The following ZNF224 variants were observed in gnomAD, a reference collection of about 807,000 sequenced individuals.
The protein encoded by ZNF224 is zinc finger protein 224.
In ZNF224, 8 loss-of-function variants were observed where a neutral mutation model predicts 10.5. The observed-to-expected ratio is 0.76, with a 90% confidence interval of 0.45 to 1.37. The LOEUF (loss-of-function observed/expected upper bound fraction) is 1.37. ZNF224 is among the 40% of genes most tolerant of loss of function. The pLI, the probability that ZNF224 is intolerant of heterozygous loss-of-function variation, is 0.00. For missense variants in ZNF224, 754 were observed against 854.0 expected, an observed-to-expected ratio of 0.88 and a Z score of 1.46; for synonymous variants, 282 against 287.8, an observed-to-expected ratio of 0.98 and a Z score of 0.20.
At chr19:44,105,251 G>A (rs1967631778) in intron 5 of ZNF224, 1 of 152,158 alleles carries the variant, frequency 6.6e-6, no homozygotes, top group Non-Finnish European at 1.5e-5. Context: ...CAGATCCTGA[G>A]GAAAACATCT....
intron 3 of ZNF224, 24 bp downstream of exon 3, chr19:44,097,912 C>T (rs769653606): frequency 1.2e-6 from 2 of 1,613,612 alleles, no homozygotes; most frequent in East Asian, 2.2e-5. Context: ...GCTTCTATTA[C>T]TCTTAAAATT....
In ZNF224 at chr19:44,103,291, G is replaced by T. The variant is rs373316257; in HGVS notation, c.235+2066G>T. On this transcript the variant is annotated intron_variant, in intron 5 of 5. Transcript: ENST00000693561. Reference sequence around the variant, plus strand: ...ATCCATATTCCAGCGTGTACCATTGGGTACATATTTACCTATTACTGTTTT... The same window carrying T: ...ATCCATATTCCAGCGTGTACCATTGTGTACATATTTACCTATTACTGTTTT... 3.9e-5 allele frequency among the ~76,000 whole-genome samples: 6 copies of T among 152,110 alleles called. No individual in the cohort carries two copies. In the East Asian group the frequency reaches 1.2e-3, roughly 29 times the overall value.
chr19:44,100,565 A>G (rs1967526828), intron 3 of ZNF224, among the ~76,000 whole-genome samples: 1 of 152,224 alleles, frequency 6.6e-6, no homozygotes, highest in African/African-American at 2.4e-5. Flanking sequence ...AGAAGACTCA[A>G]TGATTGCACG....
intron 1 of ZNF224, chr19:44,095,133 C>G (rs994056501): frequency 4.2e-6 from 1 of 238,218 alleles, no homozygotes; most frequent in South Asian, 7.3e-5. Flanking sequence ...GGAGGGACTT[C>G]TTGGCTTCTG....
chr19:44,099,230 G>A (rs1019880885), intron 3 of ZNF224, among the ~76,000 whole-genome samples: 8 of 152,096 alleles, frequency 5.3e-5, no homozygotes, highest in African/African-American at 1.4e-4. Context: ...TCTTCCTGTC[G>A]TAGTACCTCT....
rs747274204 is a variant in ZNF224, at chr19:44,106,473, G to A, written c.313G>A (p.Glu105Lys). 4 of 1,614,024 alleles carry A rather than the reference G, an allele frequency of 2.5e-6. No individual in the cohort carries two copies. In the South Asian group the frequency reaches 4.4e-5, roughly 18 times the overall value. ...HQEWSFQQIW[E>K]KIASDLTRSQ... ...AGAGTGGTCCTTCCAGCAAATCTGG[G>A]AAAAAATTGCAAGTGATTTAACCAG... Residue 105 changes from glutamate to lysine, a missense_variant, in exon 6 of 6, where the codon GAA (glutamate) becomes AAA (lysine). Transcript: ENST00000693561.
chr19:44,105,928 T>C (rs1967646622), intron 5 of ZNF224: 1 of 156,932 alleles, frequency 6.4e-6, no homozygotes, highest in Non-Finnish European at 1.4e-5. Flanking sequence ...GATGGGCACT[T>C]AGGTTGGTTC....
In ZNF224 at chr19:44,107,404, G is replaced by C; in HGVS notation, c.1244G>C (p.Cys415Ser). The change falls in exon 6 of 6, where the codon TGC (cysteine) becomes TCC (serine). Residue 415 changes from cysteine to serine, a missense_variant. Coordinates refer to ENST00000693561, the MANE Select transcript of ZNF224 (RefSeq NM_001321645.3). ...AAAGGATTTTACACAAATTCACAAT[G>C]CTATTCCCACCAGAGATCCCATAGT... is the stretch of plus-strand genomic sequence containing the variant. ...CGKGFYTNSQ[C>S]YSHQRSHSGE... is the part of the protein sequence containing the mutation. The C allele has an allele frequency of 6.2e-7, 1 of 1,608,254 alleles. No homozygotes were observed. The highest frequency in any genetic ancestry group is 8.5e-7 in the Non-Finnish European group (1 of 1,177,808).
chr19:44,106,323 G>T (rs144679841), intron 5 of ZNF224, 73 bp from the exon 6 acceptor site: 25,891 of 1,497,522 alleles, frequency 0.017, 301 homozygotes, highest in South Asian at 0.021. Flanking sequence ...TCCTGCCATG[G>T]CCTAAGTGAA....
At position 44,107,019 on chromosome 19, in the gene ZNF224, C is replaced by G. The variant is rs199793196; in HGVS notation, c.859C>G (p.Pro287Ala). The G allele has an allele frequency of 6.2e-6, 10 of 1,607,184 alleles. No individual in the cohort carries two copies. The highest frequency in any genetic ancestry group is 4.0e-5 in the African/African-American group (3 of 74,764). Residue 287 changes from proline to alanine, a missense_variant, in exon 6 of 6, where the codon CCA becomes GCA. By Grantham distance (27) the Pro-to-Ala change is conservative. Transcript: ENST00000693561. ...EHQRIHTGEK[P>A]FKCDICGKSF... The stretch of plus-strand genomic sequence containing the variant: ...TCAGAGAATCCATACGGGGGAGAAG[C>G]CATTCAAATGTGATATATGTGGTAA...
At position 44,106,411 on chromosome 19, in the gene ZNF224, C is replaced by T. The variant is rs1318648995; in HGVS notation, c.251C>T (p.Thr84Ile). 10 of 1,614,014 alleles carry T rather than the reference C, an allele frequency of 6.2e-6. No homozygotes were observed. Among genetic ancestry groups the T allele is most frequent in the Non-Finnish European group, 8.5e-6 (10 of 1,180,024 alleles). The stretch of plus-strand genomic sequence containing the variant: ...ATTCTGATAGGAGACAAGATCCAAA[C>T]TGAGATGGAGACTGTTTCAGAAGCA... ...REGNSGDKIQ[T>I]EMETVSEAGT... Residue 84 changes from threonine (T) to isoleucine (I), a missense_variant, in exon 6 of 6, where the codon ACT becomes ATT. Physicochemically the swap from Thr to Ile is moderately conservative, Grantham distance 89 (BLOSUM62 -1). Coordinates refer to ENST00000693561, the MANE Select transcript of ZNF224 (RefSeq NM_001321645.3).
At chr19:44,104,968 T>G (rs1967624661) in intron 5 of ZNF224, among the ~76,000 whole-genome samples, 1 of 152,232 alleles carries the variant, frequency 6.6e-6, no homozygotes, top group African/African-American at 2.4e-5. Context: ...AGCCGAGCCC[T>G]GGTTTTACAA....
chr19:44,098,627 AG>A (rs1303391211), intron 3 of ZNF224, among the ~76,000 whole-genome samples: 1 of 151,808 alleles, frequency 6.6e-6, no homozygotes, highest in Non-Finnish European at 1.5e-5. Flanking sequence ...CTTGTTGCCC[AG>A]GCTGGAGTGC....
chr19:44,098,577 A>G (rs1967487532), intron 3 of ZNF224, among the ~76,000 whole-genome samples: 1 of 151,806 alleles, frequency 6.6e-6, no homozygotes, highest in South Asian at 2.1e-4. Flanking sequence ...CCAAAGTAAT[A>G]TGTAAGCTAA....
Position 44,097,903 on chromosome 19 carries a change from C to T in ZNF224, c.15+15C>T. 1.2e-6 allele frequency: 2 copies of T among 1,613,734 alleles called. No individual in the cohort carries two copies. Among genetic ancestry groups the T allele is most frequent in the Non-Finnish European group, 8.5e-7 (1 of 1,179,844 alleles). On this transcript the variant is annotated intron_variant, in intron 3 of 5. Coordinates refer to ENST00000693561, the MANE Select transcript of ZNF224 (RefSeq NM_001321645.3). ...CCACGTTCAAGGTGGGTAGGACTTG[C>T]TTCTATTACTCTTAAAATTCCCTCT...
rs1377357445 is a variant in ZNF224, at chr19:44,101,306, G to A, written c.235+81G>A. 5.7e-6 allele frequency: 8 copies of A among 1,402,008 alleles called. No individual in the cohort carries two copies. The East Asian group carries it at 1.7e-4, about 29-fold the overall frequency. 86.8% of individuals were successfully genotyped at this position (1,402,008 alleles called of 1,614,324 possible). On this transcript the variant is annotated intron_variant, in intron 5 of 5. Transcript: ENST00000693561. The stretch of plus-strand genomic sequence containing the variant: ...GTCCATGCTCAAATCCATTGCCCTG[G>A]CCTAAATGGCCAAACCTCTTTCTTG...
intron 3 of ZNF224, 132 bp downstream of exon 3, chr19:44,098,020 CCTTT>C (rs1967475607): frequency 1.1e-6 from 1 of 918,274 alleles, no homozygotes; most frequent in Admixed American, 3.2e-5. Context: ...CCATGTACTT[CCTTT>C]GTTACTTTTG....
Position 44,108,597 on chromosome 19 carries a change from C to T in ZNF224, c.*313C>T. 2.2e-6 allele frequency: 1 copy of T among 454,074 alleles called. No individual in the cohort carries two copies. Among genetic ancestry groups the T allele is most frequent in the Non-Finnish European group, 4.4e-6 (1 of 229,556 alleles). The allele number at this position is 454,074 out of a possible 1,614,324, so 28.1% of individuals were successfully genotyped here. A position where few individuals can be genotyped will look rare whatever the true frequency, so the allele number is the denominator to read the frequency against. ...AAGTTTGATAATTACAGCTATCATT[C>T]AGGAGACAGGCCTTAGAAAGAGTAA... On this transcript the variant is annotated 3_prime_UTR_variant, in exon 6 of 6. Transcript: ENST00000693561.
At position 44,100,575 on chromosome 19, in the gene ZNF224, G is replaced by A. The variant is rs189304165; in HGVS notation, c.16-226G>A. Among the ~76,000 whole-genome samples, 260 of 152,242 alleles carry A rather than the reference G, an allele frequency of 1.7e-3. 2 individuals are homozygous for A. The highest frequency in any genetic ancestry group is 6.1e-3 in the African/African-American group (252 of 41,544). On this transcript the variant is annotated intron_variant, in intron 3 of 5. Coordinates refer to ENST00000693561, the MANE Select transcript of ZNF224 (RefSeq NM_001321645.3). ...TTACAAGAAGACTCAATGATTGCAC[G>A]AAGTAAAAATACAGGAAGTCTTTTT...
Sources: allele counts gnomAD v4.1 joint callset (sites outside exome capture counted in the v4.1 genomes callset), GRCh38; gene constraint gnomAD v4.1.1; transcripts MANE v1.5; gene names NCBI Gene and HGNC (gene_info 2026-07-23, HGNC 2026-07-21).